The following EHBP1 variants were observed in gnomAD, a reference collection of about 807,000 sequenced individuals.
The protein encoded by EHBP1 is EH domain-binding protein 1.
A neutral mutation model predicts 144.0 loss-of-function variants in EHBP1; 55 were observed. That is an observed-to-expected ratio of 0.38 (90% CI 0.31 to 0.48). EHBP1 has a LOEUF of 0.48. Ranked by LOEUF, EHBP1 falls within the 20% of genes least tolerant of loss-of-function variation. The probability of loss-of-function intolerance (pLI) is 0.98; values close to 1 mark genes in which losing one functional copy is unlikely to be tolerated. For missense variants in EHBP1, 1,200 were observed against 1,364.2 expected, an observed-to-expected ratio of 0.88 and a Z score of 1.90; for synonymous variants, 469 against 472.7, an observed-to-expected ratio of 0.99 and a Z score of 0.10.
intron 5 of EHBP1, among the ~76,000 whole-genome samples, chr2:62,816,621 A>T (rs2045468027): frequency 6.6e-6 from 1 of 152,216 alleles, no homozygotes; most frequent in Non-Finnish European, 1.5e-5. Flanking sequence ...TGTCAGAAAG[A>T]GGAAGAGGAG....
chr2:62,788,447 A>C (rs1458072468), intron 5 of EHBP1, among the ~76,000 whole-genome samples: 1 of 152,076 alleles, frequency 6.6e-6, no homozygotes, highest in Admixed American at 6.5e-5. Context: ...CACTCTGAGT[A>C]ATACTCATGT....
chr2:63,036,696 T>C (rs894305407), intron 19 of EHBP1, among the ~76,000 whole-genome samples: 1 of 152,044 alleles, frequency 6.6e-6, no homozygotes. Flanking sequence ...AAAATTAATA[T>C]TTTTCTTCAG....
chr2:62,893,878 C>T (rs775342355), intron 10 of EHBP1, among the ~76,000 whole-genome samples: 9 of 152,042 alleles, frequency 5.9e-5, no homozygotes, highest in Non-Finnish European at 1.0e-4. Context: ...GCCCTGTCTC[C>T]ACTACAAATA....
intron 16 of EHBP1, among the ~76,000 whole-genome samples, chr2:62,993,024 A>G (rs528172235): frequency 6.6e-6 from 1 of 152,284 alleles, no homozygotes; most frequent in South Asian, 2.1e-4. Context: ...TAACATAGGA[A>G]GCTCCGGAAA....
At chr2:62,915,117 A>G (rs540680178) in intron 10 of EHBP1, among the ~76,000 whole-genome samples, 4 of 152,146 alleles carry the variant, frequency 2.6e-5, no homozygotes, top group East Asian at 1.9e-4. Flanking sequence ...TATATGGTCT[A>G]TGTATACGTA....
At chr2:62,982,896 A>G (rs2059030558) in intron 15 of EHBP1, among the ~76,000 whole-genome samples, 1 of 152,196 alleles carries the variant, frequency 6.6e-6, no homozygotes, top group Non-Finnish European at 1.5e-5. Flanking sequence ...TCCACAGAAA[A>G]TACATACAAG....
intron 2 of EHBP1, 146 bp downstream of exon 2, chr2:62,707,441 A>T (rs891054354): frequency 3.1e-6 from 2 of 638,528 alleles, no homozygotes; most frequent in Non-Finnish European, 2.8e-6. Context: ...TCTAACAAGT[A>T]CTGTGCTGTG....
chr2:62,927,084 C>T (rs562582857), intron 10 of EHBP1, among the ~76,000 whole-genome samples: 3 of 151,954 alleles, frequency 2.0e-5, no homozygotes, highest in Non-Finnish European at 4.4e-5. Flanking sequence ...CTGTAATAAG[C>T]CAGGAAAAGA....
intron 10 of EHBP1, among the ~76,000 whole-genome samples, chr2:62,910,788 A>G (rs558693876): frequency 6.6e-6 from 1 of 152,152 alleles, no homozygotes; most frequent in Non-Finnish European, 1.5e-5. Context: ...CTGCCCTAAT[A>G]TTTTGATGGG....
chr2:62,955,759 G>A (rs934818474), intron 14 of EHBP1, 99 bp downstream of exon 14: 8 of 1,323,278 alleles, frequency 6.0e-6, no homozygotes, highest in South Asian at 1.6e-5. Flanking sequence ...ATTTTTCTAC[G>A]GACTGTACAT....
intron 2 of EHBP1, among the ~76,000 whole-genome samples, chr2:62,742,226 A>G (rs938383875): frequency 7.2e-5 from 11 of 152,066 alleles, no homozygotes; most frequent in Admixed American, 1.3e-4. Flanking sequence ...ATCTCTATCT[A>G]TCGTTAAGCA....
intron 12 of EHBP1, among the ~76,000 whole-genome samples, chr2:62,946,456 ACTT>A (rs1471218122): frequency 3.9e-5 from 6 of 152,146 alleles, no homozygotes; most frequent in Non-Finnish European, 8.8e-5. Flanking sequence ...ATCATTTGCT[ACTT>A]CTTACCTGAT....
intron 19 of EHBP1, among the ~76,000 whole-genome samples, chr2:63,026,266 GT>G (rs1242144577): frequency 1.3e-5 from 2 of 148,444 alleles, no homozygotes; most frequent in Admixed American, 6.7e-5. Context: ...GGATACCGAA[GT>G]TTGAGTAATG....
intron 19 of EHBP1, among the ~76,000 whole-genome samples, chr2:62,997,792 C>G (rs975846105): frequency 2.0e-5 from 3 of 151,978 alleles, no homozygotes; most frequent in Admixed American, 6.6e-5. Context: ...CATATTAGAA[C>G]AGGAAGGAAC....
At chr2:62,987,636 C>T (rs2059251919) in intron 15 of EHBP1, among the ~76,000 whole-genome samples, 1 of 152,104 alleles carries the variant, frequency 6.6e-6, no homozygotes, top group Non-Finnish European at 1.5e-5. Flanking sequence ...ATAGATTACA[C>T]TTTAAAATAC....
chr2:62,925,500 T>C (rs1209792185), intron 10 of EHBP1, among the ~76,000 whole-genome samples: 1 of 152,100 alleles, frequency 6.6e-6, no homozygotes, highest in Non-Finnish European at 1.5e-5. Flanking sequence ...TAAAATGTTA[T>C]TATTAAAAAA....
At position 62,826,084 on chromosome 2, in the gene EHBP1, C is replaced by T. The variant is rs1411508213; in HGVS notation, c.313-3C>T. On this transcript the variant is annotated splice_region_variant and splice_polypyrimidine_tract_variant and intron_variant, in intron 5 of 22. Coordinates refer to ENST00000431489, the MANE Select transcript of EHBP1 (RefSeq NM_001142616.3). ...CATACTTTTTTTTTCTTTAATCTTC[C>T]AGGAATCCCCTTCTGGTCGAAGGAA... 2 of 1,437,698 alleles carry T rather than the reference C, an allele frequency of 1.4e-6. No individual in the cohort carries two copies. The highest frequency in any genetic ancestry group is 1.8e-6 in the Non-Finnish European group (2 of 1,090,418). The allele number at this position is 1,437,698 out of a possible 1,614,324, so 89.1% of individuals were successfully genotyped here. A position where few individuals can be genotyped will look rare whatever the true frequency, so the allele number is the denominator to read the frequency against.
At chr2:63,024,549 C>CTG (rs1156839419) in intron 19 of EHBP1, among the ~76,000 whole-genome samples, 1 of 140,556 alleles carries the variant, frequency 7.1e-6, no homozygotes, top group African/African-American at 2.7e-5. Context: ...CTATAGTGAG[C>CTG]TGTGATGATG....
chr2:62,959,339 G>A (rs2057883744), intron 14 of EHBP1, among the ~76,000 whole-genome samples: 1 of 152,160 alleles, frequency 6.6e-6, no homozygotes, highest in East Asian at 1.9e-4. Context: ...GTGAACATAG[G>A]AGTGCTAAAA....
Sources: gnomAD v4.1 joint callset for allele counts (sites outside exome capture counted in the v4.1 genomes callset) on GRCh38, gnomAD v4.1.1 for gene constraint, MANE v1.5 for transcripts, NCBI Gene and HGNC (gene_info 2026-07-23, HGNC 2026-07-21) for gene names.